The following DAB1 variants were observed in gnomAD, a reference collection of about 807,000 sequenced individuals.
DAB1 encodes DAB adaptor protein 1, also known as disabled homolog 1.
In DAB1, 15 loss-of-function variants were observed where a neutral mutation model predicts 64.6. The observed-to-expected ratio is 0.23, with a 90% CI of 0.16 to 0.36. The LOEUF is 0.36. Among genes scored for constraint, DAB1 ranks in the 10% least tolerant of loss-of-function variants. The pLI is 1.00. For missense variants in DAB1, 596 were observed against 706.7 expected, an observed-to-expected ratio of 0.84 and a Z score of 1.78; for synonymous variants, 235 against 251.9, an observed-to-expected ratio of 0.93 and a Z score of 0.64.
At chr1:57,823,706 A>T (rs933621565), downstream of DAB1, among the ~76,000 whole-genome samples, 6 of 152,132 alleles carry the variant, frequency 3.9e-5, no homozygotes, top group African/African-American at 1.4e-4. Flanking sequence ...TATAAAAGGA[A>T]AGTGGCCCTG....
rs553689491 is a variant in DAB1, at chr1:57,197,312, C to G, written c.68-51883G>C. Among the ~76,000 whole-genome samples, 9 of 148,136 alleles carry G rather than the reference C, an allele frequency of 6.1e-5. No homozygotes were observed. The South Asian group carries it at 1.9e-3, about 31-fold the overall frequency. On this transcript the variant is annotated intron_variant, in intron 2 of 14. Transcript: ENST00000371236. ...TAAGGCAAAATAGTGCCACTGCACT[C>G]CAGTCTAGGTGACAGAGAGAGACTT...
chr1:58,471,066 C>T (rs1356686123), intron 3 of DAB1, among the ~76,000 whole-genome samples: 12 of 152,206 alleles, frequency 7.9e-5, no homozygotes, highest in African/African-American at 2.6e-4. Context: ...CTTTTAGGTG[C>T]AAGTAAGAGA....
At chr1:57,805,164 C>T (rs1051393474) in intron 6 of DAB1, among the ~76,000 whole-genome samples, 1 of 152,154 alleles carries the variant, frequency 6.6e-6, no homozygotes, top group African/African-American at 2.4e-5. Context: ...CATGCTGCTA[C>T]GGACTTTCTC....
At chr1:57,885,762 T>C (rs1333121822), upstream of DAB1, among the ~76,000 whole-genome samples, 1 of 151,990 alleles carries the variant, frequency 6.6e-6, no homozygotes, top group Non-Finnish European at 1.5e-5. Context: ...CAGGCCTGAG[T>C]TCAAGTCCAA....
chr1:58,243,429 T>C (rs764942259), intron 4 of DAB1, among the ~76,000 whole-genome samples: 1 of 152,170 alleles, frequency 6.6e-6, no homozygotes, highest in Non-Finnish European at 1.5e-5. Flanking sequence ...CCCTTTGAGA[T>C]GGGAATCATG....
chr1:57,019,366 T>C (rs1399572430), intron 11 of DAB1, among the ~76,000 whole-genome samples: 2 of 152,188 alleles, frequency 1.3e-5, no homozygotes, highest in South Asian at 2.1e-4. Flanking sequence ...TTATTTTTTT[T>C]CCACAAGGAG....
chr1:57,562,592 A>G (rs1466024129), intron 7 of DAB1, among the ~76,000 whole-genome samples: 2 of 152,212 alleles, frequency 1.3e-5, no homozygotes, highest in Non-Finnish European at 2.9e-5. Flanking sequence ...TCAGCATCCA[A>G]TATATGGTAC....
intron 6 of DAB1, among the ~76,000 whole-genome samples, chr1:57,681,849 T>C (rs745486347): frequency 2.0e-5 from 3 of 152,040 alleles, no homozygotes; most frequent in Non-Finnish European, 2.9e-5. Flanking sequence ...AATGGGAAGA[T>C]TAATTAGAAA....
intron 4 of DAB1, among the ~76,000 whole-genome samples, chr1:57,116,642 C>G (rs1210608980): frequency 6.6e-6 from 1 of 152,026 alleles, no homozygotes; most frequent in African/African-American, 2.4e-5. Flanking sequence ...CTCCCCAACT[C>G]ATACAATGAT....
At chr1:57,783,575 AC>A (rs1409840129) in intron 6 of DAB1, among the ~76,000 whole-genome samples, 1 of 152,106 alleles carries the variant, frequency 6.6e-6, no homozygotes, top group African/African-American at 2.4e-5. Flanking sequence ...TTTATTGTGC[AC>A]CATTTTATTG....
chr1:58,348,359 A>G (rs11207200), intron 3 of DAB1, among the ~76,000 whole-genome samples: 5,632 of 152,274 alleles, frequency 0.037, 339 homozygotes, highest in African/African-American at 0.13. Flanking sequence ...GCAAGCCAGT[A>G]AAGAGACCAG....
intron 2 of DAB1, among the ~76,000 whole-genome samples, chr1:57,282,807 T>C (rs1672019477): frequency 6.6e-6 from 1 of 152,202 alleles, no homozygotes; most frequent in African/African-American, 2.4e-5. Flanking sequence ...GGTTTTGAAT[T>C]TCTAAAGCTT....
At chr1:58,040,952 C>A (rs1396229005) in intron 5 of DAB1, among the ~76,000 whole-genome samples, 2 of 152,162 alleles carry the variant, frequency 1.3e-5, no homozygotes, top group Non-Finnish European at 1.5e-5. Context: ...TTGCTGAACT[C>A]CCCAACCTCA....
At chr1:58,164,781 C>T (rs1309815627) in intron 4 of DAB1, among the ~76,000 whole-genome samples, 1 of 152,080 alleles carries the variant, frequency 6.6e-6, no homozygotes, top group East Asian at 1.9e-4. Flanking sequence ...AATAAGCTAT[C>T]CCACCCTTTA....
intron 7 of DAB1, among the ~76,000 whole-genome samples, chr1:57,536,769 T>C (rs1278564429): frequency 6.6e-6 from 1 of 151,884 alleles, no homozygotes; most frequent in Non-Finnish European, 1.5e-5. Context: ...TCTCCCTTTC[T>C]GCTGCCGCAG....
At chr1:57,223,536 G>A (rs112808858) in intron 2 of DAB1, among the ~76,000 whole-genome samples, 34 of 152,122 alleles carry the variant, frequency 2.2e-4, no homozygotes, top group Admixed American at 3.9e-4. Context: ...GCAGAGCTAC[G>A]TACATCATTA....
At position 57,026,046 on chromosome 1, in the gene DAB1, G is replaced by C; in HGVS notation, c.724-3C>G. ...AAAAGTTCTAATTGGGTCACAGCCT[G>C]TAAAGACAAAAAGGTAATCATGTGA... On this transcript the variant is annotated splice_region_variant and splice_polypyrimidine_tract_variant and intron_variant, in intron 9 of 14. Transcript: ENST00000371236. 1 of 1,601,312 alleles carries C rather than the reference G, an allele frequency of 6.2e-7. No individual in the cohort carries two copies. Among genetic ancestry groups the C allele is most frequent in the Non-Finnish European group, 8.5e-7 (1 of 1,174,652 alleles).
intron 6 of DAB1, among the ~76,000 whole-genome samples, chr1:57,775,536 T>C (rs1348968723): frequency 3.3e-5 from 5 of 151,512 alleles, no homozygotes; most frequent in African/African-American, 9.7e-5. Flanking sequence ...TTTTAGTTGG[T>C]ATTTTCTAGA....
At chr1:57,034,696 C>T (rs1647082449) in intron 9 of DAB1, among the ~76,000 whole-genome samples, 1 of 152,090 alleles carries the variant, frequency 6.6e-6, no homozygotes, top group South Asian at 2.1e-4. Flanking sequence ...GCTAATTATT[C>T]TTTGGATGAT....
Sources: allele counts gnomAD v4.1 joint callset (sites outside exome capture counted in the v4.1 genomes callset), GRCh38; gene constraint gnomAD v4.1.1; transcripts MANE v1.5; gene names NCBI Gene and HGNC (gene_info 2026-07-23, HGNC 2026-07-21).